RBFOX1: variants seen among roughly 807,000 people sequenced by gnomAD.
RBFOX1 encodes the protein RNA binding protein fox-1 homolog 1.
In RBFOX1, 8 loss-of-function variants were observed where a neutral mutation model predicts 57.7. The ratio of observed to expected loss-of-function variants is 0.14; its 90% CI spans 0.08 to 0.25. The LOEUF (loss-of-function observed/expected upper bound fraction) is 0.25, where lower values mean the gene tolerates loss of function less well. Ranked by LOEUF, RBFOX1 falls within the 10% of genes least tolerant of loss-of-function variation. The pLI, the probability that RBFOX1 is intolerant of heterozygous loss-of-function variation, is 1.00. For missense variants in RBFOX1, 611 were observed against 548.5 expected, an observed-to-expected ratio of 1.11 and a Z score of -1.14; for synonymous variants, 326 against 222.4, an observed-to-expected ratio of 1.47 and a Z score of -4.15.
chr16:7,158,931 G>A (rs536622897), intron 4 of RBFOX1, among the ~76,000 whole-genome samples: 2 of 152,122 alleles, frequency 1.3e-5, no homozygotes, highest in East Asian at 3.9e-4. Context: ...TTTATCACTT[G>A]TGTAGTTTCA....
Position 5,787,470 on chromosome 16 carries a change from T to C in RBFOX1, c.319-79833T>C, listed in dbSNP as rs111398083. ...AAGTCACTGTAGTTTGCAGTGGGCT[T>C]ACCTCATGCTTAGCCATGAGGGGAT... On this transcript the variant is annotated intron_variant, in intron 3 of 19. Transcript: ENST00000641259. 5.1e-3 allele frequency among the ~76,000 whole-genome samples: 772 copies of C among 152,296 alleles called. 9 individuals are homozygous for C. The highest frequency in any genetic ancestry group is 0.016 in the African/African-American group (649 of 41,562).
At chr16:7,420,904 TATATATAC>T (rs2098535173) in intron 4 of RBFOX1, among the ~76,000 whole-genome samples, 2 of 140,698 alleles carry the variant, frequency 1.4e-5, no homozygotes, top group African/African-American at 5.5e-5. Flanking sequence ...TATACACACA[TATATATAC>T]ATATATATAT....
At chr16:6,831,035 A>G (rs1366289391) in intron 3 of RBFOX1, among the ~76,000 whole-genome samples, 1 of 152,176 alleles carries the variant, frequency 6.6e-6, no homozygotes, top group Non-Finnish European at 1.5e-5. Context: ...TTCCCAATTG[A>G]TCTCACTCTT....
At chr16:7,600,133 C>A (rs943612136) in intron 9 of RBFOX1, among the ~76,000 whole-genome samples, 1 of 152,244 alleles carries the variant, frequency 6.6e-6, no homozygotes, top group East Asian at 1.9e-4. Flanking sequence ...TTCCAGGTAG[C>A]CATGCACTCA....
Position 7,653,883 on chromosome 16 carries a change from G to T in RBFOX1, c.826G>T (p.Gly276Cys), listed in dbSNP as rs1208527095. 1.9e-6 allele frequency: 3 copies of T among 1,602,078 alleles called. No homozygotes were observed. The highest frequency in any genetic ancestry group is 2.5e-6 in the Non-Finnish European group (3 of 1,179,020). The change falls in exon 12 of 16, where the codon GGT (glycine) becomes TGT (cysteine). Residue 276 changes from glycine (G) to cysteine (C), a missense_variant. By Grantham distance (159) the Gly-to-Cys change is radical (BLOSUM62 -3). Transcript: ENST00000550418. Reference protein sequence around the residue: ...AYRGAHLRGRGRTVYNTFRAA... With the variant: ...AYRGAHLRGRCRTVYNTFRAA... ...CCGAGGGGCGCACCTGCGAGGCCGCGGTCGCACCGTGTACAACACCTTCAG... is the reference window on the plus strand; with the variant it reads ...CCGAGGGGCGCACCTGCGAGGCCGCTGTCGCACCGTGTACAACACCTTCAG...
intron 2 of RBFOX1, among the ~76,000 whole-genome samples, chr16:6,645,849 C>G (rs1283966835): frequency 1.3e-5 from 2 of 152,070 alleles, no homozygotes; most frequent in South Asian, 4.1e-4. Flanking sequence ...ATATGCTTCT[C>G]TTACAAATAG....
At chr16:5,654,469 G>T (rs1352617227) in intron 3 of RBFOX1, among the ~76,000 whole-genome samples, 1 of 152,124 alleles carries the variant, frequency 6.6e-6, no homozygotes, top group South Asian at 2.1e-4. Flanking sequence ...GGGAAGGAAC[G>T]TTCTCACCTG....
chr16:5,484,665 C>G (rs1420166384), intron 2 of RBFOX1, among the ~76,000 whole-genome samples: 8 of 152,146 alleles, frequency 5.3e-5, no homozygotes, highest in Admixed American at 5.2e-4. Flanking sequence ...GTAATTCCAG[C>G]ACTTTGGGAG....
At chr16:7,534,378 C>T (rs1056916818) in intron 5 of RBFOX1, among the ~76,000 whole-genome samples, 1 of 152,002 alleles carries the variant, frequency 6.6e-6, no homozygotes, top group Non-Finnish European at 1.5e-5. Context: ...CAGGCATGAA[C>T]CACAGTGCAC....
At chr16:7,382,898 G>A (rs921148970) in intron 4 of RBFOX1, among the ~76,000 whole-genome samples, 4 of 152,178 alleles carry the variant, frequency 2.6e-5, no homozygotes, top group Admixed American at 2.6e-4. Flanking sequence ...CCTACATCAA[G>A]TATGTTTAGT....
chr16:7,059,745 C>T (rs8058573), intron 4 of RBFOX1, among the ~76,000 whole-genome samples: 3 of 152,140 alleles, frequency 2.0e-5, no homozygotes, highest in African/African-American at 7.2e-5. Flanking sequence ...ACAAATTTAC[C>T]TTTCTCTTCA....
At chr16:5,270,356 C>G in intron 1 of RBFOX1, 1 of 1,106,748 alleles carries the variant, frequency 9.0e-7, no homozygotes, top group Admixed American at 1.7e-5. Context: ...ATCTGATGGT[C>G]TCAAGGGTCT....
chr16:5,743,924 A>T (rs1321344909), intron 3 of RBFOX1, among the ~76,000 whole-genome samples: 1 of 152,220 alleles, frequency 6.6e-6, no homozygotes, highest in Admixed American at 6.5e-5. Context: ...GAACTTATTC[A>T]TCTTGATAAC....
At chr16:6,216,937 A>G (rs1027639888) in intron 1 of RBFOX1, among the ~76,000 whole-genome samples, 1 of 150,476 alleles carries the variant, frequency 6.6e-6, no homozygotes, top group Non-Finnish European at 1.5e-5. Context: ...TGTTCTTTCT[A>G]CTTTTCTTCT....
intron 4 of RBFOX1, among the ~76,000 whole-genome samples, chr16:7,183,659 C>G (rs2083168965): frequency 6.6e-6 from 1 of 152,128 alleles, no homozygotes; most frequent in Non-Finnish European, 1.5e-5. Flanking sequence ...TATGAGAATA[C>G]AGAACCAGAT....
At chr16:7,093,237 C>G (rs1290345761) in intron 4 of RBFOX1, among the ~76,000 whole-genome samples, 1 of 152,198 alleles carries the variant, frequency 6.6e-6, no homozygotes, top group Non-Finnish European at 1.5e-5. Context: ...AATGGCCCAG[C>G]AGACTCTGAT....
intron 3 of RBFOX1, among the ~76,000 whole-genome samples, chr16:6,819,309 TAG>T (rs1219378164): frequency 6.6e-6 from 1 of 152,170 alleles, no homozygotes; most frequent in Non-Finnish European, 1.5e-5. Flanking sequence ...GGTGCTCACT[TAG>T]GTTTGAATTA....
At chr16:6,742,450 C>A (rs529882928) in intron 3 of RBFOX1, among the ~76,000 whole-genome samples, 5 of 152,036 alleles carry the variant, frequency 3.3e-5, no homozygotes, top group African/African-American at 1.2e-4. Flanking sequence ...AGACATTTAC[C>A]AATGAGTCAA....
chr16:5,957,810 TACAA>T (rs749270079), intron 4 of RBFOX1, among the ~76,000 whole-genome samples: 1 of 152,172 alleles, frequency 6.6e-6, no homozygotes, highest in Non-Finnish European at 1.5e-5. Flanking sequence ...TCCTTTGTGT[TACAA>T]ACAATCCACT....
Sources: gnomAD v4.1 joint callset for allele counts (sites outside exome capture counted in the v4.1 genomes callset) on GRCh38, gnomAD v4.1.1 for gene constraint, MANE v1.5 for transcripts, NCBI Gene and HGNC (gene_info 2026-07-23, HGNC 2026-07-21) for gene names.